STON2: variants seen among roughly 807,000 people sequenced by gnomAD.
The protein encoded by STON2 is stonin-2.
In STON2, 29 loss-of-function variants were observed where a neutral mutation model predicts 65.7. The observed-to-expected ratio is 0.44, with a 90% confidence interval of 0.33 to 0.60. STON2 has a LOEUF of 0.60. STON2 is among the 20% of genes least tolerant of loss of function. The pLI is 0.03. For missense variants in STON2, 1,054 were observed against 1,118.1 expected, an observed-to-expected ratio of 0.94 and a Z score of 0.82; for synonymous variants, 404 against 414.2, an observed-to-expected ratio of 0.98 and a Z score of 0.30.
intron 2 of STON2, among the ~76,000 whole-genome samples, chr14:81,420,253 G>A (rs1350442500): frequency 6.6e-6 from 1 of 152,222 alleles, no homozygotes; most frequent in African/African-American, 2.4e-5. Context: ...GTGCCTAAGA[G>A]ATGGCCAATA....
chr14:81,416,439 T>C (rs1901438589), intron 2 of STON2, among the ~76,000 whole-genome samples: 1 of 152,208 alleles, frequency 6.6e-6, no homozygotes, highest in East Asian at 1.9e-4. Flanking sequence ...AGAGCCTAGC[T>C]GGCTCAATGC....
intron 5 of STON2, among the ~76,000 whole-genome samples, chr14:81,318,341 G>A (rs989589425): frequency 1.3e-5 from 2 of 152,104 alleles, no homozygotes; most frequent in African/African-American, 2.4e-5. Flanking sequence ...ACATCACGAG[G>A]AGCAGAAGAC....
At chr14:81,407,111 C>T (rs1213361693) in intron 2 of STON2, among the ~76,000 whole-genome samples, 2 of 152,134 alleles carry the variant, frequency 1.3e-5, no homozygotes, top group African/African-American at 4.8e-5. Flanking sequence ...GCCTGTTGAC[C>T]GAAGCCTGAA....
intron 5 of STON2, among the ~76,000 whole-genome samples, chr14:81,310,132 T>C (rs1242008773): frequency 6.6e-6 from 1 of 152,218 alleles, no homozygotes; most frequent in East Asian, 1.9e-4. Flanking sequence ...TCTTCTACTT[T>C]ATATTATGAA....
chr14:81,379,466 G>A lies in STON2; in HGVS notation c.374-8281C>T, dbSNP rs116892436. 4.7e-4 allele frequency among the ~76,000 whole-genome samples: 72 copies of A among 152,178 alleles called. 2 individuals carry two copies. In the East Asian group the frequency reaches 4.8e-3, roughly 10 times the overall value. On this transcript the variant is annotated intron_variant, in intron 3 of 7. Coordinates refer to ENST00000614646, the MANE Select transcript of STON2 (RefSeq NM_001394390.1). Reference sequence around the variant, plus strand: ...ACATTTAGAGATTGAAAGATTTAACGTTGTAAAGATGTTAATTCTCCCCAA... The same window carrying A: ...ACATTTAGAGATTGAAAGATTTAACATTGTAAAGATGTTAATTCTCCCCAA...
intron 7 of STON2, chr14:81,269,744 T>C: frequency 1.0e-6 from 1 of 985,298 alleles, no homozygotes; most frequent in Non-Finnish European, 1.2e-6. Flanking sequence ...AAAATCCTTC[T>C]TTAACAAACT....
chr14:81,305,094 C>T (rs540425373), intron 5 of STON2, among the ~76,000 whole-genome samples: 1 of 152,292 alleles, frequency 6.6e-6, no homozygotes, highest in East Asian at 1.9e-4. Context: ...GAGATTCATT[C>T]ATTTCATTAC....
intron 4 of STON2, chr14:81,333,002 C>CATTCTGACTTT: frequency 1.8e-6 from 1 of 544,452 alleles, no homozygotes; most frequent in Non-Finnish European, 3.3e-6. Flanking sequence ...TTTGCAGTCC[C>CATTCTGACTTT]CCTGACTTTC....
intron 2 of STON2, among the ~76,000 whole-genome samples, chr14:81,411,215 T>C (rs1388803315): frequency 1.3e-5 from 2 of 152,186 alleles, no homozygotes; most frequent in Non-Finnish European, 2.9e-5. Context: ...TACACGCCAG[T>C]GATTCTTCTT....
chr14:81,353,690 T>G (rs1898109845), intron 4 of STON2, among the ~76,000 whole-genome samples: 1 of 152,050 alleles, frequency 6.6e-6, no homozygotes, highest in Non-Finnish European at 1.5e-5. Flanking sequence ...TCCTTAGGAT[T>G]CTCAAACACT....
At position 81,262,350 on chromosome 14, in the gene STON2, T is replaced by C; in HGVS notation, c.*6064A>G. The C allele has an allele frequency of 1.0e-6, 1 of 985,466 alleles. No individual in the cohort carries two copies. Among genetic ancestry groups the C allele is most frequent in the Non-Finnish European group, 1.2e-6 (1 of 829,920 alleles). 61.0% of individuals were successfully genotyped at this position (985,466 alleles called of 1,614,324 possible). ...TAGCCTTTCCTCCCTTTAGGGAAGC[T>C]GGCTGCTAACACAGCACCTGACCAG... is the stretch of plus-strand genomic sequence containing the variant. On this transcript the variant is annotated 3_prime_UTR_variant, in exon 8 of 8. Coordinates refer to ENST00000614646, the MANE Select transcript of STON2 (RefSeq NM_001394390.1).
At position 81,272,253 on chromosome 14, in the gene STON2, C is replaced by T. The variant is rs1245346128; in HGVS notation, c.2582-1381G>A. Among the ~76,000 whole-genome samples, 3 of 152,092 alleles carry T rather than the reference C, an allele frequency of 2.0e-5. No individual in the cohort carries two copies. In the South Asian group the frequency reaches 6.2e-4, roughly 32 times the overall value. On this transcript the variant is annotated intron_variant, in intron 6 of 7. Transcript: ENST00000614646. The stretch of plus-strand genomic sequence containing the variant: ...AAAAACAAAAAACAACTGAACCTAG[C>T]AGTCTGACTCCAGAGTGTTCTTAAC...
intron 5 of STON2, among the ~76,000 whole-genome samples, chr14:81,301,202 A>T (rs1343400735): frequency 6.6e-6 from 1 of 152,212 alleles, no homozygotes; most frequent in Non-Finnish European, 1.5e-5. Flanking sequence ...ATCTAAGATT[A>T]TATTCTCTCA....
chr14:81,427,004 C>T (rs1902010484), intron 2 of STON2: 1 of 152,148 alleles, frequency 6.6e-6, no homozygotes, highest in Non-Finnish European at 1.5e-5. Context: ...CTTTACTGTT[C>T]ATTTAATTAA....
At chr14:81,385,333 A>G (rs1389027104) in intron 3 of STON2, among the ~76,000 whole-genome samples, 1 of 152,224 alleles carries the variant, frequency 6.6e-6, no homozygotes, top group Admixed American at 6.5e-5. Flanking sequence ...GCATGATGAC[A>G]CTTTTAAATA....
chr14:81,352,069 TTCA>T (rs1235624549), intron 4 of STON2, among the ~76,000 whole-genome samples: 1 of 152,158 alleles, frequency 6.6e-6, no homozygotes, highest in Non-Finnish European at 1.5e-5. Context: ...AAAAACTAAC[TTCA>T]TGAGTTTCTG....
At chr14:81,329,371 C>T (rs1183038736) in intron 4 of STON2, among the ~76,000 whole-genome samples, 3 of 150,792 alleles carry the variant, frequency 2.0e-5, no homozygotes. Flanking sequence ...AGGAGAATGG[C>T]ATGAACCCAG....
At chr14:81,389,246 A>C (rs1189303287) in intron 3 of STON2, among the ~76,000 whole-genome samples, 1 of 152,236 alleles carries the variant, frequency 6.6e-6, no homozygotes, top group Non-Finnish European at 1.5e-5. Flanking sequence ...GCCAAAAATT[A>C]GTTTCCACTG....
rs762822043 is a variant in STON2 at position 81,277,854 on chromosome 14, C to T, written c.1628G>A (p.Arg543Gln). ...LEICHEISEPRLQNYDENGRI... is the reference protein window; with the variant it reads ...LEICHEISEPQLQNYDENGRI... ...GCCATTCTCATCATAGTTTTGAAGC[C>T]GGGGTTCTGAAATCTCATGACAGAT... is the stretch of plus-strand genomic sequence containing the variant. Residue 543 changes from arginine to glutamine, a missense_variant, in exon 6 of 8, where the codon CGG (arginine) becomes CAG (glutamine). Transcript: ENST00000614646. The T allele has an allele frequency of 1.9e-5, 30 of 1,614,018 alleles. No individual in the cohort carries two copies. In the African/African-American group the frequency reaches 1.9e-4, roughly 10 times the overall value.
Sources: allele counts gnomAD v4.1 joint callset (sites outside exome capture counted in the v4.1 genomes callset), GRCh38; gene constraint gnomAD v4.1.1; transcripts MANE v1.5; gene names NCBI Gene and HGNC (gene_info 2026-07-23, HGNC 2026-07-21).